The following CCDC91 variants were observed in gnomAD, a reference collection of about 807,000 sequenced individuals.
CCDC91 encodes coiled-coil domain-containing protein 91.
In CCDC91, 48 loss-of-function variants were observed where a neutral mutation model predicts 63.2. The ratio of observed to expected loss-of-function variants is 0.76; its 90% CI spans 0.60 to 0.97. CCDC91 has a LOEUF of 0.97. Ranked by LOEUF, CCDC91 falls within the 50% of genes least tolerant of loss-of-function variation. The pLI is 0.00. For synonymous variants in CCDC91, 167 were observed against 165.8 expected, an observed-to-expected ratio of 1.01 and a Z score of -0.06; for missense variants, 500 against 494.6, an observed-to-expected ratio of 1.01 and a Z score of -0.10.
intron 7 of CCDC91, among the ~76,000 whole-genome samples, chr12:28,381,294 T>C (rs1386191552): frequency 6.6e-6 from 1 of 152,064 alleles, no homozygotes; most frequent in Non-Finnish European, 1.5e-5. Context: ...TTCTAGGTAA[T>C]CAACTTTGGG....
chr12:28,456,742 T>TA, intron 11 of CCDC91, among the ~76,000 whole-genome samples: 1 of 152,192 alleles, frequency 6.6e-6, no homozygotes, highest in African/African-American at 2.4e-5. Context: ...TTCATGGGGT[T>TA]AAAAAATCTA....
At chr12:28,433,178 C>A (rs1948722277) in intron 8 of CCDC91, among the ~76,000 whole-genome samples, 3 of 151,812 alleles carry the variant, frequency 2.0e-5, no homozygotes, top group Admixed American at 6.6e-5. Context: ...TTTTCATTCT[C>A]CTGACACTAT....
At chr12:28,338,620 G>T (rs1303139257) in intron 6 of CCDC91, among the ~76,000 whole-genome samples, 3 of 151,822 alleles carry the variant, frequency 2.0e-5, no homozygotes, top group African/African-American at 7.3e-5. Flanking sequence ...TCTTATTGAC[G>T]TAGAAAGCTA....
intron 1 of CCDC91, among the ~76,000 whole-genome samples, chr12:28,190,928 C>G (rs1414590245): frequency 6.6e-6 from 1 of 152,234 alleles, no homozygotes; most frequent in Admixed American, 6.5e-5. Flanking sequence ...CGAAAGTCTA[C>G]GCCCACGAAC....
At chr12:28,249,704 TCTCA>T (rs1296298763) in intron 1 of CCDC91, among the ~76,000 whole-genome samples, 5 of 151,716 alleles carry the variant, frequency 3.3e-5, no homozygotes, top group African/African-American at 9.7e-5. Flanking sequence ...GATGTTTTGC[TCTCA>T]CTATGATTAC....
At chr12:28,448,962 T>C (rs1326645865) in intron 8 of CCDC91, among the ~76,000 whole-genome samples, 1 of 152,084 alleles carries the variant, frequency 6.6e-6, no homozygotes, top group East Asian at 1.9e-4. Context: ...ACTTATACGT[T>C]AATTATGTGG....
intron 8 of CCDC91, among the ~76,000 whole-genome samples, chr12:28,442,461 G>C (rs1332254472): frequency 6.6e-6 from 1 of 151,932 alleles, no homozygotes; most frequent in Non-Finnish European, 1.5e-5. Flanking sequence ...ATAATACAAG[G>C]GCAATTTTCT....
chr12:28,470,361 T>C (rs891701617), intron 11 of CCDC91, among the ~76,000 whole-genome samples: 5 of 151,918 alleles, frequency 3.3e-5, no homozygotes, highest in Non-Finnish European at 7.4e-5. Flanking sequence ...CATCAGAAAA[T>C]TGCAGATAAA....
intron 7 of CCDC91, among the ~76,000 whole-genome samples, chr12:28,379,751 C>T (rs1301437016): frequency 6.6e-6 from 1 of 152,144 alleles, no homozygotes; most frequent in African/African-American, 2.4e-5. Flanking sequence ...TGTGGTGATT[C>T]CTCAAGGATC....
chr12:28,326,400 T>TC (rs397796612), intron 6 of CCDC91, among the ~76,000 whole-genome samples: 14 of 151,430 alleles, frequency 9.2e-5, no homozygotes, highest in African/African-American at 3.1e-4. Context: ...TGTTTTTTTT[T>TC]AAATTTATTA....
chr12:28,388,007 G>A (rs1945710656), intron 7 of CCDC91, among the ~76,000 whole-genome samples: 1 of 152,130 alleles, frequency 6.6e-6, no homozygotes, highest in Admixed American at 6.6e-5. Context: ...CCCACCAGCA[G>A]TGTAAAACTG....
At chr12:28,384,983 T>C (rs994550610) in intron 7 of CCDC91, among the ~76,000 whole-genome samples, 1 of 152,100 alleles carries the variant, frequency 6.6e-6, no homozygotes, top group African/African-American at 2.4e-5. Context: ...CTTACAAAAC[T>C]TGAAGTAATA....
intron 11 of CCDC91, among the ~76,000 whole-genome samples, chr12:28,483,772 C>G (rs1019881543): frequency 2.0e-5 from 3 of 152,076 alleles, no homozygotes; most frequent in Non-Finnish European, 2.9e-5. Context: ...ATGTAAACAT[C>G]AAATGAAAGG....
chr12:28,508,655 C>G (rs1315930219), intron 12 of CCDC91, among the ~76,000 whole-genome samples: 7 of 151,864 alleles, frequency 4.6e-5, no homozygotes, highest in Admixed American at 4.6e-4. Context: ...GACCAGGTGA[C>G]AGTAGTAGCT....
At chr12:28,417,476 G>C (rs142095372) in intron 8 of CCDC91, among the ~76,000 whole-genome samples, 1 of 151,816 alleles carries the variant, frequency 6.6e-6, no homozygotes, top group Non-Finnish European at 1.5e-5. Context: ...TTTCAATAGT[G>C]TTATATGCTT....
chr12:28,204,064 AT>A (rs1241322669), intron 1 of CCDC91, among the ~76,000 whole-genome samples: 1 of 152,098 alleles, frequency 6.6e-6, no homozygotes, highest in Non-Finnish European at 1.5e-5. Flanking sequence ...TTGAAGGTAA[AT>A]GATCTCTCCC....
chr12:28,342,917 TAGAC>T (rs1232439998), intron 6 of CCDC91, among the ~76,000 whole-genome samples: 1 of 152,126 alleles, frequency 6.6e-6, no homozygotes, highest in Non-Finnish European at 1.5e-5. Flanking sequence ...CTGAAGTTTG[TAGAC>T]AGACAGAATC....
intron 12 of CCDC91, among the ~76,000 whole-genome samples, chr12:28,514,278 T>C (rs1939688717): frequency 6.6e-6 from 1 of 152,052 alleles, no homozygotes; most frequent in Non-Finnish European, 1.5e-5. Flanking sequence ...AAGTGTCTGT[T>C]AATGTTCTTT....
At chr12:28,369,871 C>T (rs1944504148) in intron 7 of CCDC91, among the ~76,000 whole-genome samples, 1 of 152,188 alleles carries the variant, frequency 6.6e-6, no homozygotes, top group African/African-American at 2.4e-5. Context: ...CCCTTTTTAG[C>T]CACAGCTAGA....
Sources: allele counts gnomAD v4.1 joint callset (sites outside exome capture counted in the v4.1 genomes callset), GRCh38; gene constraint gnomAD v4.1.1; transcripts MANE v1.5; gene names NCBI Gene and HGNC (gene_info 2026-07-23, HGNC 2026-07-21).